The following LUZP2 variants were observed in gnomAD, a reference collection of about 807,000 sequenced individuals.
LUZP2 encodes the protein leucine zipper protein 2.
LUZP2 carries 52 observed loss-of-function variants against 51.6 expected under a neutral mutation model. The ratio of observed to expected loss-of-function variants is 1.01; its 90% CI spans 0.81 to 1.27. LUZP2 has a LOEUF of 1.27. LUZP2 is among the 50% of genes most tolerant of loss of function. The probability of loss-of-function intolerance (pLI) is 0.00; values close to 1 mark genes in which losing one functional copy is unlikely to be tolerated. For missense variants in LUZP2, 436 were observed against 395.4 expected, an observed-to-expected ratio of 1.10 and a Z score of -0.87; for synonymous variants, 154 against 137.3, an observed-to-expected ratio of 1.12 and a Z score of -0.85.
At chr11:24,885,889 A>G (rs1234543210) in intron 5 of LUZP2, among the ~76,000 whole-genome samples, 1 of 152,176 alleles carries the variant, frequency 6.6e-6, no homozygotes, top group Non-Finnish European at 1.5e-5. Flanking sequence ...AACCAAGTTC[A>G]TATTCTATTC....
intron 5 of LUZP2, among the ~76,000 whole-genome samples, chr11:24,854,237 G>C (rs187964716): frequency 9.8e-5 from 15 of 152,350 alleles, no homozygotes; most frequent in African/African-American, 3.1e-4. Flanking sequence ...CCTTCACCCA[G>C]GTGCTCTGTC....
At chr11:24,782,595 A>G (rs1276510815) in intron 5 of LUZP2, among the ~76,000 whole-genome samples, 1 of 151,936 alleles carries the variant, frequency 6.6e-6, no homozygotes, top group African/African-American at 2.4e-5. Flanking sequence ...TCTTGCTTTA[A>G]TATTTTCTCA....
In LUZP2 at chr11:25,080,320, C is replaced by T. The variant is rs1007505923; in HGVS notation, c.*1662C>T. ...TAGGATGAGGTATATGTTCTGAGCA[C>T]GTTTAAGCAGGTTTAAGTTAGGGTG... On this transcript the variant is annotated 3_prime_UTR_variant, in exon 12 of 12. Coordinates refer to ENST00000336930, the MANE Select transcript of LUZP2 (RefSeq NM_001009909.4). 1 of 152,162 alleles carries T rather than the reference C, an allele frequency of 6.6e-6. No individual in the cohort carries two copies. Among genetic ancestry groups the T allele is most frequent in the African/African-American group, 2.4e-5 (1 of 41,518 alleles). The allele number at this position is 152,162 out of a possible 1,614,324, so 9.4% of individuals were successfully genotyped here. A position where few individuals can be genotyped will look rare whatever the true frequency, so the allele number is the denominator to read the frequency against.
intron 1 of LUZP2, among the ~76,000 whole-genome samples, chr11:24,520,716 C>T (rs557160085): frequency 3.3e-5 from 5 of 152,226 alleles, no homozygotes; most frequent in South Asian, 2.1e-4. Context: ...GCTTAGGAAA[C>T]CTTAATGGTA....
rs141318378 is a variant in LUZP2, at chr11:24,707,673, A to T, written c.63-21496A>T. Among the ~76,000 whole-genome samples the T allele has an allele frequency of 2.9e-3, 449 of 152,280 alleles. 1 individual carries two copies. Among genetic ancestry groups the T allele is most frequent in the African/African-American group, 0.011 (437 of 41,556 alleles). On this transcript the variant is annotated intron_variant, in intron 1 of 11. Coordinates refer to ENST00000336930, the MANE Select transcript of LUZP2 (RefSeq NM_001009909.4). ...GAAGGTGGGTCTCTCAGCTCAAAAA[A>T]AGAGAGTGAATTTGCCTTTCTGCCT...
chr11:24,796,491 C>CTGTGTGTG (rs57329413), intron 5 of LUZP2, among the ~76,000 whole-genome samples: 3,542 of 124,566 alleles, frequency 0.028, 68 homozygotes, highest in South Asian at 0.038. Context: ...TAATAATAAT[C>CTGTGTGTG]TGTGTGTGTG....
chr11:24,596,188 A>G (rs945070193), intron 1 of LUZP2, among the ~76,000 whole-genome samples: 4 of 152,210 alleles, frequency 2.6e-5, no homozygotes, highest in Admixed American at 6.5e-5. Flanking sequence ...TTCTTGAAGC[A>G]TCAATTCAGT....
intron 1 of LUZP2, among the ~76,000 whole-genome samples, chr11:24,725,102 A>G (rs1565100243): frequency 1.3e-5 from 2 of 152,202 alleles, no homozygotes; most frequent in Non-Finnish European, 2.9e-5. Context: ...GAAAATTGAC[A>G]TGCTTATTCT....
At chr11:24,616,475 A>ATGTG (rs61413263) in intron 1 of LUZP2, among the ~76,000 whole-genome samples, 2,157 of 98,508 alleles carry the variant, frequency 0.022, 56 homozygotes, top group African/African-American at 0.057. Context: ...TGGCGTGCGC[A>ATGTG]TGTGTGTGTG....
chr11:24,556,225 T>A (rs1460285638), intron 1 of LUZP2, among the ~76,000 whole-genome samples: 1 of 152,184 alleles, frequency 6.6e-6, no homozygotes, highest in Non-Finnish European at 1.5e-5. Flanking sequence ...AATGCTTCAT[T>A]GTATATATGT....
At chr11:24,618,996 C>T (rs1171957082) in intron 1 of LUZP2, among the ~76,000 whole-genome samples, 1 of 146,708 alleles carries the variant, frequency 6.8e-6, no homozygotes, top group Admixed American at 7.0e-5. Flanking sequence ...GTAATTCTAA[C>T]CACTTAGCAT....
intron 5 of LUZP2, among the ~76,000 whole-genome samples, chr11:24,860,537 C>T (rs966639457): frequency 2.0e-5 from 3 of 152,102 alleles, no homozygotes; most frequent in African/African-American, 7.2e-5. Context: ...CAGGAGTGAT[C>T]CTACTGGCAA....
intron 5 of LUZP2, among the ~76,000 whole-genome samples, chr11:24,877,625 G>A (rs1852315300): frequency 6.6e-6 from 1 of 151,994 alleles, no homozygotes; most frequent in African/African-American, 2.4e-5. Flanking sequence ...ATTTTAAAAT[G>A]TACAATTAAT....
intron 5 of LUZP2, among the ~76,000 whole-genome samples, chr11:24,770,738 G>A (rs1860378096): frequency 6.6e-6 from 1 of 152,060 alleles, no homozygotes; most frequent in African/African-American, 2.4e-5. Flanking sequence ...ACTATTCTTG[G>A]TTATGGCAAA....
At chr11:24,704,487 A>G (rs1015481687) in intron 1 of LUZP2, among the ~76,000 whole-genome samples, 13 of 151,672 alleles carry the variant, frequency 8.6e-5, no homozygotes, top group African/African-American at 3.1e-4. Flanking sequence ...ATGCTTTGAC[A>G]TATTTTTGTG....
At chr11:24,605,938 A>G (rs1051028267) in intron 1 of LUZP2, among the ~76,000 whole-genome samples, 13 of 151,710 alleles carry the variant, frequency 8.6e-5, no homozygotes. Flanking sequence ...ATTACATATT[A>G]ATTGAGGTCA....
At chr11:25,008,159 T>G (rs11028338) in intron 9 of LUZP2, among the ~76,000 whole-genome samples, 1 of 152,030 alleles carries the variant, frequency 6.6e-6, no homozygotes, top group Non-Finnish European at 1.5e-5. Context: ...CTCGGCCTAT[T>G]GGGCTGCACT....
chr11:24,675,806 T>C (rs898509451), intron 1 of LUZP2, among the ~76,000 whole-genome samples: 14 of 62,858 alleles, frequency 2.2e-4, no homozygotes, highest in Admixed American at 1.2e-3. Context: ...TTTATTTATT[T>C]ATTTATTTAT....
intron 5 of LUZP2, among the ~76,000 whole-genome samples, chr11:24,846,030 G>A (rs1042523239): frequency 6.6e-6 from 1 of 151,850 alleles, no homozygotes; most frequent in East Asian, 1.9e-4. Context: ...TAAGTTATCA[G>A]ATGCATCCAT....
Sources: allele counts gnomAD v4.1 joint callset (sites outside exome capture counted in the v4.1 genomes callset), GRCh38; gene constraint gnomAD v4.1.1; transcripts MANE v1.5; gene names NCBI Gene and HGNC (gene_info 2026-07-23, HGNC 2026-07-21).